Variants in DPH6 observed in about 807,000 individuals in gnomAD.
DPH6 encodes diphthamine biosynthesis 6.
DPH6 carries 33 observed loss-of-function variants against 38.2 expected under a neutral mutation model. That is an observed-to-expected ratio of 0.86 (90% confidence interval 0.65 to 1.15). DPH6 has a LOEUF of 1.15. DPH6 is among the 50% of genes most tolerant of loss of function. The pLI, the probability that DPH6 is intolerant of heterozygous loss-of-function variation, is 0.00. For missense variants in DPH6, 325 were observed against 320.0 expected (o/e 1.02, Z -0.12); for synonymous variants, 108 against 103.0 (o/e 1.05, Z -0.30).
At chr15:35,366,151 G>A (rs927176152), downstream of DPH6, among the ~76,000 whole-genome samples, 4 of 151,576 alleles carry the variant, frequency 2.6e-5, no homozygotes, top group East Asian at 1.9e-4. Flanking sequence ...GTTTATACAC[G>A]TTGCTATGAG....
At chr15:35,412,736 C>T (rs1211277587) in intron 5 of DPH6, among the ~76,000 whole-genome samples, 1 of 151,610 alleles carries the variant, frequency 6.6e-6, no homozygotes, top group East Asian at 1.9e-4. Flanking sequence ...GAAAACGCTA[C>T]ATATGGTATG....
At chr15:35,154,770 T>C in the DPH6 span, among the ~76,000 whole-genome samples, 2 of 152,182 alleles carry the variant, frequency 1.3e-5, no homozygotes. Flanking sequence ...TTACTCATAG[T>C]AGCCTTAACA....
At chr15:35,525,042 C>G (rs184126902) in intron 3 of DPH6, among the ~76,000 whole-genome samples, 9 of 152,202 alleles carry the variant, frequency 5.9e-5, no homozygotes, top group Admixed American at 5.9e-4. Context: ...ATGATGAGCA[C>G]TGAAGAGTAT....
At chr15:35,408,375 A>G (rs1438753099) in intron 6 of DPH6, among the ~76,000 whole-genome samples, 4 of 152,002 alleles carry the variant, frequency 2.6e-5, no homozygotes, top group African/African-American at 9.7e-5. Context: ...CTAGGCCTGA[A>G]GTAACACACA....
intron 3 of DPH6, among the ~76,000 whole-genome samples, chr15:35,222,333 G>T (rs2051448032): frequency 6.6e-6 from 1 of 152,192 alleles, no homozygotes; most frequent in Admixed American, 6.5e-5. Flanking sequence ...AAGTATTTGA[G>T]ACAGGTTTCA....
At chr15:35,480,881 G>T (rs901378227) in intron 3 of DPH6, among the ~76,000 whole-genome samples, 2 of 151,816 alleles carry the variant, frequency 1.3e-5, no homozygotes, top group East Asian at 3.9e-4. Context: ...AGGAATGATA[G>T]AATTGTAATA....
chr15:35,360,500 C>A (rs1201212632), intron 3 of DPH6, among the ~76,000 whole-genome samples: 2 of 152,204 alleles, frequency 1.3e-5, no homozygotes, highest in Non-Finnish European at 2.9e-5. Flanking sequence ...AGTCATAGGG[C>A]TGCTTCAGCA....
Position 35,454,235 on chromosome 15 carries a change from C to T in DPH6, c.386+512G>A, listed in dbSNP as rs546340116. ...TTAGGGGAGTAGAGACGGGCTAGGA[C>T]GAGGGGAGGAACATCCTAAAAATTC... is the stretch of plus-strand genomic sequence containing the variant. On this transcript the variant is annotated intron_variant, in intron 4 of 8. Transcript: ENST00000256538. Among the ~76,000 whole-genome samples the T allele has an allele frequency of 1.2e-4, 18 of 152,004 alleles. No individual in the cohort carries two copies. The South Asian group carries it at 1.7e-3, about 14-fold the overall frequency.
At chr15:35,215,528 C>T (rs1265438093), downstream of DPH6, among the ~76,000 whole-genome samples, 2 of 152,050 alleles carry the variant, frequency 1.3e-5, no homozygotes, top group South Asian at 2.1e-4. Flanking sequence ...GGAACACAGG[C>T]GTGCACAACC....
At chr15:35,386,391 T>C (rs2052958207) in intron 6 of DPH6, among the ~76,000 whole-genome samples, 1 of 152,358 alleles carries the variant, frequency 6.6e-6, no homozygotes, top group East Asian at 1.9e-4. Flanking sequence ...TCAAATGGTA[T>C]TTCTAGTTCT....
intron 3 of DPH6, among the ~76,000 whole-genome samples, chr15:35,456,457 CTA>C (rs34469895): frequency 0.012 from 1,665 of 144,130 alleles, 23 homozygotes; most frequent in African/African-American, 0.039. Context: ...AGTCAAATTA[CTA>C]TATATATATA....
chr15:35,382,681 C>T (rs182342328), intron 6 of DPH6, among the ~76,000 whole-genome samples: 1 of 152,036 alleles, frequency 6.6e-6, no homozygotes, highest in East Asian at 1.9e-4. Context: ...TAGGCATGAA[C>T]AAAAAGAAGT....
chr15:35,503,200 A>G (rs2054650218), intron 3 of DPH6, among the ~76,000 whole-genome samples: 2 of 151,960 alleles, frequency 1.3e-5, no homozygotes, highest in South Asian at 4.1e-4. Context: ...ATAATAAAAT[A>G]TACTGTTACA....
chr15:35,540,095 G>C (rs966459455), intron 2 of DPH6, among the ~76,000 whole-genome samples: 1 of 152,024 alleles, frequency 6.6e-6, no homozygotes, highest in African/African-American at 2.4e-5. Flanking sequence ...GAAACATTCT[G>C]ATGTTAGCAT....
At chr15:35,161,563 T>C in the DPH6 span, among the ~76,000 whole-genome samples, 1 of 151,950 alleles carries the variant, frequency 6.6e-6, no homozygotes, top group Admixed American at 6.6e-5. Context: ...TAATCTCCAA[T>C]GTGATGGTAT....
chr15:35,296,572 C>T (rs985998867), intron 3 of DPH6, among the ~76,000 whole-genome samples: 1 of 152,178 alleles, frequency 6.6e-6, no homozygotes, highest in African/African-American at 2.4e-5. Context: ...TTGTCAAAAT[C>T]TCTAAAGCTA....
At chr15:35,202,076 T>C in the DPH6 span, among the ~76,000 whole-genome samples, 25 of 151,860 alleles carry the variant, frequency 1.6e-4, no homozygotes, top group African/African-American at 4.1e-4. Context: ...CATTGCAGTA[T>C]TGAATTGTCT....
intron 3 of DPH6, chr15:35,298,550 T>C (rs1460816692): frequency 1.3e-6 from 1 of 783,460 alleles, no homozygotes; most frequent in Non-Finnish European, 2.4e-6. Flanking sequence ...ATTAAGACAC[T>C]TAAGTATTTC....
At chr15:35,347,192 T>C (rs75558259) in intron 3 of DPH6, among the ~76,000 whole-genome samples, 2,260 of 152,278 alleles carry the variant, frequency 0.015, 57 homozygotes, top group African/African-American at 0.051. Flanking sequence ...TATATAGTTC[T>C]AAGATTTTGA....
Sources: allele counts gnomAD v4.1 joint callset (sites outside exome capture counted in the v4.1 genomes callset), GRCh38; gene constraint gnomAD v4.1.1; transcripts MANE v1.5; gene names NCBI Gene and HGNC (gene_info 2026-07-23, HGNC 2026-07-21).